The following PLCL2 variants were observed in gnomAD, a reference collection of about 807,000 sequenced individuals.
The protein encoded by PLCL2 is phospholipase C like 2, also known as inactive phospholipase C-like protein 2.
A neutral mutation model predicts 79.6 loss-of-function variants in PLCL2; 4 were observed. The observed-to-expected ratio is 0.05, with a 90% CI of 0.02 to 0.11. PLCL2 has a LOEUF of 0.11. Among genes scored for constraint, PLCL2 ranks in the 10% least tolerant of loss-of-function variants. PLCL2 has a pLI of 1.00. For synonymous variants in PLCL2, 484 were observed against 457.7 expected (o/e 1.06, Z -0.73); for missense variants, 895 against 1,291.0 (o/e 0.69, Z 4.70).
chr3:16,920,532 A>G (rs1273632592), intron 1 of PLCL2, among the ~76,000 whole-genome samples: 5 of 152,192 alleles, frequency 3.3e-5, no homozygotes, highest in African/African-American at 1.2e-4. Flanking sequence ...AAAAGCAGAT[A>G]TATAAATTAG....
chr3:16,920,465 T>C (rs1312477832), intron 1 of PLCL2, among the ~76,000 whole-genome samples: 1 of 152,144 alleles, frequency 6.6e-6, no homozygotes, highest in Non-Finnish European at 1.5e-5. Context: ...TTACTATGAT[T>C]ATATGATAAA....
intron 1 of PLCL2, among the ~76,000 whole-genome samples, chr3:16,900,725 T>A (rs1696597876): frequency 6.6e-6 from 1 of 152,200 alleles, no homozygotes; most frequent in African/African-American, 2.4e-5. Context: ...TCGGTGGACA[T>A]CATCAGTGGC....
At chr3:16,959,257 G>T (rs2063733517) in intron 1 of PLCL2, among the ~76,000 whole-genome samples, 1 of 152,086 alleles carries the variant, frequency 6.6e-6, no homozygotes, top group South Asian at 2.1e-4. Flanking sequence ...TACAAAACAT[G>T]TTGAACAGGT....
At chr3:16,929,130 A>AAG (rs1697332405) in intron 1 of PLCL2, among the ~76,000 whole-genome samples, 1 of 151,784 alleles carries the variant, frequency 6.6e-6, no homozygotes, top group Non-Finnish European at 1.5e-5. Flanking sequence ...CCTGCGCAGA[A>AAG]ATGATGATGA....
At chr3:17,083,663 G>A (rs145372774) in intron 5 of PLCL2, among the ~76,000 whole-genome samples, 3 of 152,164 alleles carry the variant, frequency 2.0e-5, no homozygotes, top group Admixed American at 2.0e-4. Flanking sequence ...CAGTGAAGAT[G>A]GTAAAAAGTG....
intron 4 of PLCL2, among the ~76,000 whole-genome samples, chr3:17,063,224 T>C (rs73151362): frequency 0.16 from 5,499 of 34,646 alleles, 493 homozygotes; most frequent in East Asian, 0.44. Flanking sequence ...TTCTCTTCCT[T>C]CCTCCCTCCC....
chr3:17,062,701 G>T (rs1422410369), intron 4 of PLCL2, among the ~76,000 whole-genome samples: 2 of 152,168 alleles, frequency 1.3e-5, no homozygotes, highest in African/African-American at 4.8e-5. Flanking sequence ...ACTATACTTG[G>T]CTCTAAAATA....
Position 17,086,110 on chromosome 3 carries a change from A to C in PLCL2, c.3205-3623A>C, listed in dbSNP as rs1240342215. 2.0e-5 allele frequency among the ~76,000 whole-genome samples: 3 copies of C among 152,264 alleles called. No individual in the cohort carries two copies. In the East Asian group the frequency reaches 5.8e-4, roughly 29 times the overall value. The stretch of plus-strand genomic sequence containing the variant: ...AACCGATTCCAAAGTTTAAAGAGAG[A>C]AACAAAAGACCCAGAATAGCCAACA... On this transcript the variant is annotated intron_variant, in intron 5 of 5. Coordinates refer to ENST00000615277, the MANE Select transcript of PLCL2 (RefSeq NM_001144382.2).
At chr3:17,072,318 G>T (rs2065067361) in intron 5 of PLCL2, among the ~76,000 whole-genome samples, 1 of 151,960 alleles carries the variant, frequency 6.6e-6, no homozygotes, top group Admixed American at 6.6e-5. Flanking sequence ...ATTTTGCTGG[G>T]TATTTTTAAA....
intron 5 of PLCL2, among the ~76,000 whole-genome samples, chr3:17,079,620 C>CCAATTCAGACACCGCCTCCT (rs1369816632): frequency 6.6e-6 from 1 of 152,180 alleles, no homozygotes; most frequent in Non-Finnish European, 1.5e-5. Flanking sequence ...CTGAGTTTCC[C>CCAATTCAGACACCGCCTCCT]CAATTCAGAC....
At chr3:16,897,785 C>T (rs1414334510) in intron 1 of PLCL2, among the ~76,000 whole-genome samples, 1 of 152,200 alleles carries the variant, frequency 6.6e-6, no homozygotes, top group Non-Finnish European at 1.5e-5. Flanking sequence ...TTCCTCTTGC[C>T]ATGCTGACCT....
At chr3:16,991,335 C>A (rs1051642744) in intron 1 of PLCL2, among the ~76,000 whole-genome samples, 1 of 152,110 alleles carries the variant, frequency 6.6e-6, no homozygotes, top group African/African-American at 2.4e-5. Context: ...TTTCCATGGG[C>A]ACAACTGCAT....
chr3:17,060,312 C>A (rs114439435), intron 4 of PLCL2, among the ~76,000 whole-genome samples: 4,741 of 152,290 alleles, frequency 0.031, 111 homozygotes, highest in Admixed American at 0.055. Context: ...TGTCATCCAT[C>A]TGGGTTTCAG....
intron 5 of PLCL2, among the ~76,000 whole-genome samples, chr3:17,068,770 T>C (rs1418259388): frequency 1.3e-5 from 2 of 152,212 alleles, no homozygotes; most frequent in Non-Finnish European, 2.9e-5. Context: ...TGATTTTCTA[T>C]TTTATATGTA....
chr3:17,038,582 A>G (rs1427373911), intron 3 of PLCL2, among the ~76,000 whole-genome samples: 1 of 152,142 alleles, frequency 6.6e-6, no homozygotes, highest in Admixed American at 6.5e-5. Flanking sequence ...TGCTTATTCT[A>G]GTAGTTTCAC....
Position 17,011,227 on chromosome 3 carries a change from A to G in PLCL2, c.1881A>G (p.Ser627=). 6.2e-7 allele frequency: 1 copy of G among 1,614,228 alleles called. No homozygotes were observed. The highest frequency in any genetic ancestry group is 8.5e-7 in the Non-Finnish European group (1 of 1,180,030). ...ELSELVSICK[S]VQFKEFQVSF... ...CTGAACTGGTCAGCATCTGCAAATC[A>G]GTTCAGTTCAAAGAATTTCAGGTGT... Residue 627 remains serine (S), a synonymous_variant, in exon 2 of 6, where the codon TCA becomes TCG. Transcript: ENST00000615277. The surrounding 1 kb of genome is among the most constrained non-coding windows in gnomAD (Gnocchi z 7.9).
intron 3 of PLCL2, among the ~76,000 whole-genome samples, chr3:17,021,325 C>T (rs549134694): frequency 3.9e-5 from 6 of 152,058 alleles, no homozygotes; most frequent in Admixed American, 6.6e-5. Context: ...ATTGATGAGC[C>T]ATTTTGTAAT....
chr3:17,074,333 GC>G (rs1262958257), intron 5 of PLCL2, among the ~76,000 whole-genome samples: 14 of 152,172 alleles, frequency 9.2e-5, no homozygotes, highest in African/African-American at 2.7e-4. Flanking sequence ...GTAGGTCCCA[GC>G]TGTGGGCTTA....
intron 1 of PLCL2, among the ~76,000 whole-genome samples, chr3:16,931,951 A>C (rs146001949): frequency 6.6e-6 from 1 of 152,302 alleles, no homozygotes; most frequent in East Asian, 1.9e-4. Flanking sequence ...TAGTGCCCTT[A>C]TAAGAAGAGG....
Sources: gnomAD v4.1 joint callset for allele counts (sites outside exome capture counted in the v4.1 genomes callset) on GRCh38, gnomAD v4.1.1 for gene constraint, Gnocchi (gnomAD v3.1) non-coding constraint, MANE v1.5 for transcripts, NCBI Gene and HGNC (gene_info 2026-07-23, HGNC 2026-07-21) for gene names.